The following CDH12 variants were observed in gnomAD, a reference collection of about 807,000 sequenced individuals.
CDH12 encodes cadherin 12.
In CDH12, 41 loss-of-function variants were observed where a neutral mutation model predicts 74.1. The ratio of observed to expected loss-of-function variants is 0.55; its 90% CI spans 0.43 to 0.72. CDH12 has a LOEUF of 0.72. Ranked by LOEUF, CDH12 falls within the 30% of genes least tolerant of loss-of-function variation. The pLI, the probability that CDH12 is intolerant of heterozygous loss-of-function variation, is 0.00. For missense variants in CDH12, 945 were observed against 977.2 expected, an observed-to-expected ratio of 0.97 and a Z score of 0.44; for synonymous variants, 399 against 355.0, an observed-to-expected ratio of 1.12 and a Z score of -1.39.
rs201687164 is a variant in CDH12 at position 22,091,029 on chromosome 5, AG to A, written c.-186-12168del. Reference sequence around the variant, plus strand: ...CTCCAAGAACACAAACAAGAAAGGAAGGTACACTCTCCTCGTGTCTTTACGA... The same window carrying A: ...CTCCAAGAACACAAACAAGAAAGGAAGTACACTCTCCTCGTGTCTTTACGA... On this transcript the variant is annotated intron_variant, in intron 4 of 14. Transcript: ENST00000382254. Among the ~76,000 whole-genome samples the A allele has an allele frequency of 1.0e-2, 1,516 of 151,986 alleles. 16 individuals carry two copies. Among genetic ancestry groups the A allele is most frequent in the African/African-American group, 0.034 (1,397 of 41,512 alleles).
intron 3 of CDH12, among the ~76,000 whole-genome samples, chr5:22,301,594 G>C (rs1317495924): frequency 1.3e-5 from 2 of 151,896 alleles, no homozygotes; most frequent in African/African-American, 2.4e-5. Context: ...TGGAAATTTA[G>C]TAACCACCTA....
chr5:21,780,644 G>C (rs1745855545), intron 11 of CDH12, among the ~76,000 whole-genome samples: 1 of 152,140 alleles, frequency 6.6e-6, no homozygotes, highest in Non-Finnish European at 1.5e-5. Context: ...ACATGTTTAT[G>C]ATAAGTAGAA....
chr5:22,287,496 G>A (rs926953449), intron 3 of CDH12, among the ~76,000 whole-genome samples: 18 of 151,740 alleles, frequency 1.2e-4, no homozygotes, highest in African/African-American at 2.9e-4. Flanking sequence ...AGGCCGAGGC[G>A]GGCGGATCAC....
intron 1 of CDH12, among the ~76,000 whole-genome samples, chr5:22,695,432 C>T (rs79958914): frequency 0.016 from 2,472 of 151,960 alleles, 44 homozygotes; most frequent in Middle Eastern, 0.051. Flanking sequence ...ATATGTAGAC[C>T]GATGGAACAG....
chr5:22,497,638 C>CCT (rs1554045246), intron 2 of CDH12, among the ~76,000 whole-genome samples: 1 of 83,250 alleles, frequency 1.2e-5, no homozygotes, highest in Non-Finnish European at 2.1e-5. Context: ...TGTCGAATCT[C>CCT]TTTTTTTTTT....
intron 3 of CDH12, among the ~76,000 whole-genome samples, chr5:22,332,216 A>T (rs1739380047): frequency 6.6e-6 from 1 of 152,152 alleles, no homozygotes; most frequent in African/African-American, 2.4e-5. Context: ...GCATTTAATA[A>T]TCAATTCCCA....
intron 4 of CDH12, among the ~76,000 whole-genome samples, chr5:22,111,602 A>T (rs1349575476): frequency 1.3e-5 from 2 of 152,176 alleles, no homozygotes; most frequent in African/African-American, 4.8e-5. Flanking sequence ...CTTGTTCACC[A>T]TCTGTCCTCA....
intron 1 of CDH12, among the ~76,000 whole-genome samples, chr5:22,725,737 A>G (rs1744133549): frequency 6.6e-6 from 1 of 151,752 alleles, no homozygotes. Flanking sequence ...GGACAAAAAC[A>G]TTCAGACTAT....
At chr5:22,703,891 C>T (rs1451259118) in intron 1 of CDH12, among the ~76,000 whole-genome samples, 1 of 152,102 alleles carries the variant, frequency 6.6e-6, no homozygotes, top group African/African-American at 2.4e-5. Context: ...ATTATGTATA[C>T]ATGCTGTTTT....
At chr5:22,220,125 TATA>T (rs1323621276) in intron 3 of CDH12, among the ~76,000 whole-genome samples, 1 of 151,726 alleles carries the variant, frequency 6.6e-6, no homozygotes, top group East Asian at 1.9e-4. Flanking sequence ...ATGTTAAAAA[TATA>T]ATAACAAAGT....
chr5:22,446,161 T>C (rs2126551633), intron 2 of CDH12, among the ~76,000 whole-genome samples: 1 of 152,176 alleles, frequency 6.6e-6, no homozygotes, highest in Admixed American at 6.6e-5. Flanking sequence ...GTTTAACATC[T>C]TCACTGTGTC....
chr5:22,444,743 A>C (rs1580656492), intron 2 of CDH12, among the ~76,000 whole-genome samples: 1 of 152,190 alleles, frequency 6.6e-6, no homozygotes, highest in East Asian at 1.9e-4. Flanking sequence ...AAAATAAATT[A>C]TATGGAGGAA....
chr5:22,409,776 T>C (rs144015592), intron 2 of CDH12, among the ~76,000 whole-genome samples: 17 of 152,200 alleles, frequency 1.1e-4, no homozygotes, highest in Middle Eastern at 3.4e-3. Context: ...AAGGATAGGC[T>C]AAAGCCTTCT....
rs1744093328 is a variant in CDH12, at chr5:21,751,869, G to T, written c.2253C>A (p.Leu751=). 1.2e-6 allele frequency: 2 copies of T among 1,614,026 alleles called. No homozygotes were observed. Among genetic ancestry groups the T allele is most frequent in the East Asian group, 4.5e-5 (2 of 44,854 alleles). Residue 751 remains leucine, a synonymous_variant, in exon 15 of 15, where the codon CTC becomes CTA. Coordinates refer to ENST00000382254, the MANE Select transcript of CDH12 (RefSeq NM_004061.5). ...CTGTGGTGAGAGAGTCTATAGAGCT[G>T]AGGGACTCTGCCACGGACCCACTCC... is the stretch of plus-strand genomic sequence containing the variant. The part of the protein sequence containing the change: ...YEGSGSVAES[L]SSIDSLTTEA...
At chr5:22,515,192 A>G (rs1159034548) in intron 1 of CDH12, among the ~76,000 whole-genome samples, 1 of 152,154 alleles carries the variant, frequency 6.6e-6, no homozygotes, top group Non-Finnish European at 1.5e-5. Flanking sequence ...CTATTAAATA[A>G]GAACTAAATA....
chr5:21,962,070 A>G (rs1007681446), intron 6 of CDH12, among the ~76,000 whole-genome samples: 1 of 152,138 alleles, frequency 6.6e-6, no homozygotes, highest in African/African-American at 2.4e-5. Flanking sequence ...TATTGGCTTT[A>G]TACCCTTCAT....
chr5:22,519,851 T>C (rs1159250069), intron 1 of CDH12, among the ~76,000 whole-genome samples: 1 of 152,170 alleles, frequency 6.6e-6, no homozygotes, highest in African/African-American at 2.4e-5. Flanking sequence ...CATGGAGTTG[T>C]GGTGAGGTTT....
chr5:22,247,473 G>A (rs113243902), intron 3 of CDH12, among the ~76,000 whole-genome samples: 91 of 152,144 alleles, frequency 6.0e-4, no homozygotes, highest in Non-Finnish European at 1.1e-3. Flanking sequence ...TCAGGAGTTC[G>A]AGACCAGCCT....
intron 1 of CDH12, among the ~76,000 whole-genome samples, chr5:22,574,210 G>A (rs904723522): frequency 6.6e-6 from 1 of 150,968 alleles, no homozygotes; most frequent in Admixed American, 6.6e-5. Flanking sequence ...CTCACGAGTA[G>A]CTGGGATTAC....
Sources: allele counts gnomAD v4.1 joint callset (sites outside exome capture counted in the v4.1 genomes callset), GRCh38; gene constraint gnomAD v4.1.1; transcripts MANE v1.5; gene names NCBI Gene and HGNC (gene_info 2026-07-23, HGNC 2026-07-21).